CFAP299: variants seen among roughly 807,000 people sequenced by gnomAD.
CFAP299 encodes the protein cilia and flagella associated protein 299, also known as cilia- and flagella-associated protein 299.
CFAP299 carries 21 observed loss-of-function variants against 27.0 expected under a neutral mutation model. The observed-to-expected ratio is 0.78, with a 90% CI of 0.55 to 1.12. CFAP299 has a LOEUF of 1.12. Among genes scored for constraint, CFAP299 ranks in the 50% most tolerant of loss-of-function variants. CFAP299 has a pLI of 0.00. For missense variants in CFAP299, 310 were observed against 276.6 expected, an observed-to-expected ratio of 1.12 and a Z score of -0.86; for synonymous variants, 104 against 98.1, an observed-to-expected ratio of 1.06 and a Z score of -0.36.
chr4:80,358,449 T>A (rs952753601), intron 1 of CFAP299, among the ~76,000 whole-genome samples: 12 of 152,298 alleles, frequency 7.9e-5, no homozygotes, highest in African/African-American at 2.6e-4. Flanking sequence ...TCTCCCACTA[T>A]TATTGTGTGG....
the CFAP299 span, among the ~76,000 whole-genome samples, chr4:80,323,439 A>G: frequency 6.6e-6 from 1 of 152,202 alleles, no homozygotes; most frequent in South Asian, 2.1e-4. Context: ...TTGAACCTTG[A>G]TTTTCTAAAA....
At chr4:80,609,196 G>T (rs889606797) in intron 3 of CFAP299, among the ~76,000 whole-genome samples, 3 of 152,030 alleles carry the variant, frequency 2.0e-5, no homozygotes, top group African/African-American at 7.2e-5. Flanking sequence ...ATAAGTATAT[G>T]TTGGGTTAAA....
chr4:80,526,159 T>C (rs1733163990), intron 2 of CFAP299, among the ~76,000 whole-genome samples: 1 of 152,078 alleles, frequency 6.6e-6, no homozygotes, highest in Admixed American at 6.6e-5. Context: ...ATAGCTTAGA[T>C]AGGTTCTTGC....
rs188712422 is a variant in CFAP299, at chr4:80,653,333, C to T, written c.333+70150C>T. On this transcript the variant is annotated intron_variant, in intron 3 of 5. Coordinates refer to ENST00000358105, the MANE Select transcript of CFAP299 (RefSeq NM_152770.3). ...GTGATGTTTCCTTTGCCATCTGTCTCCTTTTCTCCATCCCTCTGTTGTAGT... is the reference window on the plus strand; with the variant it reads ...GTGATGTTTCCTTTGCCATCTGTCTTCTTTTCTCCATCCCTCTGTTGTAGT... 1.2e-4 allele frequency among the ~76,000 whole-genome samples: 18 copies of T among 152,188 alleles called. No individual in the cohort carries two copies. In the East Asian group the frequency reaches 3.3e-3, roughly 28 times the overall value.
chr4:80,433,147 A>G (rs967933477), intron 2 of CFAP299, among the ~76,000 whole-genome samples: 3 of 151,520 alleles, frequency 2.0e-5, no homozygotes, highest in Admixed American at 1.3e-4. Flanking sequence ...GTTAGTTCCT[A>G]CCTATGAAAA....
intron 2 of CFAP299, among the ~76,000 whole-genome samples, chr4:80,378,008 A>G (rs1724502574): frequency 6.6e-6 from 1 of 152,160 alleles, no homozygotes; most frequent in Non-Finnish European, 1.5e-5. Context: ...CAAGAATAAC[A>G]TGGGAAAGAT....
intron 5 of CFAP299, among the ~76,000 whole-genome samples, chr4:80,960,903 A>C (rs903734249): frequency 6.6e-6 from 1 of 151,856 alleles, no homozygotes; most frequent in African/African-American, 2.4e-5. Context: ...AACACATTCT[A>C]TAGGATATAA....
intron 3 of CFAP299, among the ~76,000 whole-genome samples, chr4:80,730,433 C>T (rs1009625680): frequency 1.3e-5 from 2 of 151,886 alleles, no homozygotes; most frequent in South Asian, 4.2e-4. Flanking sequence ...AGGCAAGGCT[C>T]CCCCAGAGAG....
At chr4:80,672,020 G>T (rs1741516051) in intron 3 of CFAP299, among the ~76,000 whole-genome samples, 1 of 152,076 alleles carries the variant, frequency 6.6e-6, no homozygotes, top group South Asian at 2.1e-4. Context: ...GATTGCCCTG[G>T]CCAGAACTTC....
chr4:80,629,856 G>T (rs1225353260), intron 3 of CFAP299, among the ~76,000 whole-genome samples: 1 of 145,648 alleles, frequency 6.9e-6, no homozygotes, highest in South Asian at 2.2e-4. Context: ...CTTTAGCCTG[G>T]AGACTCTGTA....
At chr4:80,949,570 T>TA (rs138939901) in intron 5 of CFAP299, among the ~76,000 whole-genome samples, 2,992 of 135,242 alleles carry the variant, frequency 0.022, 97 homozygotes, top group African/African-American at 0.074. Flanking sequence ...AGCAGGATCA[T>TA]AAAAAAAAAA....
intron 3 of CFAP299, among the ~76,000 whole-genome samples, chr4:80,864,430 GTA>G (rs34724841): frequency 0.1 from 13,618 of 133,326 alleles, 891 homozygotes; most frequent in African/African-American, 0.18. Flanking sequence ...ATATATATAG[GTA>G]TATATATATA....
chr4:80,812,481 A>G lies in CFAP299; in HGVS notation c.334-57512A>G, dbSNP rs185316567. On this transcript the variant is annotated intron_variant, in intron 3 of 5. Transcript: ENST00000358105. ...TAAGAAGGAGGCTCTAAAAAGTGCTAGAAGCACTAAACTGTATTATGAAAA... is the reference window on the plus strand; with the variant it reads ...TAAGAAGGAGGCTCTAAAAAGTGCTGGAAGCACTAAACTGTATTATGAAAA... Among the ~76,000 whole-genome samples, 11 of 152,272 alleles carry G rather than the reference A, an allele frequency of 7.2e-5. No homozygotes were observed. The East Asian group carries it at 1.9e-3, about 27-fold the overall frequency.
At position 80,869,979 on chromosome 4, in the gene CFAP299, T is replaced by C. The variant is rs756870364; in HGVS notation, c.334-14T>C. ...TTTTATATTTTTGTCTTATTCTCTA[T>C]TCTGTGCTACCAGTCCGTGATCTTT... On this transcript the variant is annotated splice_polypyrimidine_tract_variant and intron_variant, in intron 3 of 5. Transcript: ENST00000358105. 2.5e-6 allele frequency: 4 copies of C among 1,597,926 alleles called. No homozygotes were observed. The South Asian group carries it at 3.4e-5, about 14-fold the overall frequency.
chr4:80,739,664 C>G (rs142709243), intron 3 of CFAP299, among the ~76,000 whole-genome samples: 1 of 151,862 alleles, frequency 6.6e-6, no homozygotes, highest in East Asian at 1.9e-4. Flanking sequence ...ACATAGTCTT[C>G]TTTGGGTTAA....
chr4:80,347,196 A>T (rs1435019148), intron 1 of CFAP299, among the ~76,000 whole-genome samples: 1 of 152,080 alleles, frequency 6.6e-6, no homozygotes, highest in African/African-American at 2.4e-5. Context: ...GGTTTTCTAA[A>T]TATACAATCA....
chr4:80,712,075 G>A (rs1243652908), intron 3 of CFAP299, among the ~76,000 whole-genome samples: 1 of 152,170 alleles, frequency 6.6e-6, no homozygotes, highest in African/African-American at 2.4e-5. Flanking sequence ...TATCTCAAAA[G>A]TGTAATTAAG....
At chr4:80,424,378 A>C (rs1310429911) in intron 2 of CFAP299, among the ~76,000 whole-genome samples, 1 of 152,210 alleles carries the variant, frequency 6.6e-6, no homozygotes, top group African/African-American at 2.4e-5. Flanking sequence ...ATTATTGTTT[A>C]CATTTTTCTG....
intron 2 of CFAP299, among the ~76,000 whole-genome samples, chr4:80,481,820 T>G (rs1388383119): frequency 6.6e-6 from 1 of 152,118 alleles, no homozygotes; most frequent in Non-Finnish European, 1.5e-5. Flanking sequence ...ATGGTGATAG[T>G]AGTGCTACCA....
Sources: allele counts gnomAD v4.1 joint callset (sites outside exome capture counted in the v4.1 genomes callset), GRCh38; gene constraint gnomAD v4.1.1; transcripts MANE v1.5; gene names NCBI Gene and HGNC (gene_info 2026-07-23, HGNC 2026-07-21).